The following DNAH11 variants were observed in gnomAD, a reference collection of about 807,000 sequenced individuals.
DNAH11 encodes dynein axonemal heavy chain 11.
In DNAH11, 442 loss-of-function variants were observed where a neutral mutation model predicts 526.0. The ratio of observed to expected loss-of-function variants is 0.84; its 90% CI spans 0.78 to 0.91. The LOEUF (loss-of-function observed/expected upper bound fraction) is 0.91. DNAH11 is among the 40% of genes least tolerant of loss of function. The pLI is 0.00. For synonymous variants in DNAH11, 2,461 were observed against 1,935.9 expected (o/e 1.27, Z -7.12); for missense variants, 6,989 against 5,448.7 (o/e 1.28, Z -8.90).
chr7:21,621,880 C>A (rs1583537255), intron 25 of DNAH11, among the ~76,000 whole-genome samples: 1 of 152,084 alleles, frequency 6.6e-6, no homozygotes, highest in African/African-American at 2.4e-5. Context: ...TGGGCGAAAA[C>A]TGGAAGCATT....
chr7:21,845,549 C>T (rs1190663704), intron 66 of DNAH11, among the ~76,000 whole-genome samples: 1 of 152,034 alleles, frequency 6.6e-6, no homozygotes, highest in East Asian at 1.9e-4. Flanking sequence ...TGGATCTATT[C>T]ATATTTCTGC....
chr7:21,727,732 T>C (rs2965381), intron 45 of DNAH11, among the ~76,000 whole-genome samples: 89,062 of 151,680 alleles, frequency 0.59, 26,356 homozygotes, highest in South Asian at 0.68. Flanking sequence ...AGGCAATTAG[T>C]GCCAAATAAC....
intron 25 of DNAH11, among the ~76,000 whole-genome samples, chr7:21,628,572 A>G (rs868590114): frequency 5.3e-5 from 8 of 152,090 alleles, no homozygotes; most frequent in African/African-American, 1.7e-4. Flanking sequence ...TCTTGGTTCT[A>G]TTGATGTGCT....
At chr7:21,787,778 C>CT (rs1305504265) in intron 60 of DNAH11, among the ~76,000 whole-genome samples, 195 bp downstream of exon 60, 1 of 152,098 alleles carries the variant, frequency 6.6e-6, no homozygotes, top group Non-Finnish European at 1.5e-5. Context: ...TAGAAACTAT[C>CT]TTTTTTTGGG....
At chr7:21,819,623 A>G (rs150003364) in intron 65 of DNAH11, among the ~76,000 whole-genome samples, 235 of 152,300 alleles carry the variant, frequency 1.5e-3, no homozygotes, top group African/African-American at 5.3e-3. Flanking sequence ...ATGTTCTCTG[A>G]GCTTCAATTT....
chr7:21,735,444 T>C (rs1785560795), intron 45 of DNAH11, among the ~76,000 whole-genome samples, 196 bp from the exon 46 acceptor site: 2 of 152,218 alleles, frequency 1.3e-5, no homozygotes, highest in African/African-American at 4.8e-5. Context: ...CAAGCTACAA[T>C]GTCTGAACTC....
chr7:21,729,757 C>A (rs1170722565), intron 45 of DNAH11, among the ~76,000 whole-genome samples: 1 of 152,072 alleles, frequency 6.6e-6, no homozygotes, highest in Non-Finnish European at 1.5e-5. Flanking sequence ...CTTTAATGTC[C>A]ATATTTCCAC....
intron 2 of DNAH11, among the ~76,000 whole-genome samples, chr7:21,549,583 G>A (rs1782943323): frequency 6.6e-6 from 1 of 152,150 alleles, no homozygotes; most frequent in African/African-American, 2.4e-5. Context: ...ATATAACCGA[G>A]ATGCTACTTT....
rs536409509 is a variant in DNAH11 at position 21,665,178 on chromosome 7, A to C, written c.5328+6147A>C. Among the ~76,000 whole-genome samples the C allele has an allele frequency of 2.7e-5, 4 of 149,210 alleles. No individual in the cohort carries two copies. In the South Asian group the frequency reaches 8.5e-4, roughly 32 times the overall value. Reference sequence around the variant, plus strand: ...CCGCTATTGACCTCTCCCCCTTTCTACCTTTCTCATGTTTGGCTATGTACT... The same window carrying C: ...CCGCTATTGACCTCTCCCCCTTTCTCCCTTTCTCATGTTTGGCTATGTACT... On this transcript the variant is annotated intron_variant, in intron 30 of 81. Transcript: ENST00000409508.
chr7:21,618,952 T>C (rs1785910036), intron 23 of DNAH11, 148 bp from the exon 24 acceptor site: 3 of 1,057,180 alleles, frequency 2.8e-6, no homozygotes, highest in Non-Finnish European at 4.1e-6. Flanking sequence ...AAGGAGTGTC[T>C]TAGATTCTCC....
intron 28 of DNAH11, 82 bp downstream of exon 28, chr7:21,639,147 C>T: frequency 6.9e-7 from 1 of 1,453,840 alleles, no homozygotes; most frequent in Non-Finnish European, 9.1e-7. Context: ...CAAATGCTAC[C>T]TGTCATGTCA....
intron 54 of DNAH11, among the ~76,000 whole-genome samples, chr7:21,751,215 T>G (rs1038631710): frequency 1.3e-5 from 2 of 152,026 alleles, no homozygotes; most frequent in Non-Finnish European, 2.9e-5. Flanking sequence ...TCCCAGCTAC[T>G]TGGGTGGCTG....
intron 63 of DNAH11, among the ~76,000 whole-genome samples, chr7:21,809,492 C>G (rs892581756): frequency 6.6e-6 from 1 of 152,088 alleles, no homozygotes; most frequent in Non-Finnish European, 1.5e-5. Context: ...TTTATAGTTT[C>G]AGGTCTTATA....
At chr7:21,841,793 A>C (rs912949969) in intron 65 of DNAH11, among the ~76,000 whole-genome samples, 3 of 152,216 alleles carry the variant, frequency 2.0e-5, no homozygotes, top group African/African-American at 7.2e-5. Flanking sequence ...TTAGACGATA[A>C]TCATACAAAT....
chr7:21,860,875 G>A (rs113258398), intron 68 of DNAH11, among the ~76,000 whole-genome samples: 102 of 152,276 alleles, frequency 6.7e-4, no homozygotes, highest in Admixed American at 2.0e-3. Flanking sequence ...ATGGCAGCAG[G>A]CAAGACAGAA....
chr7:21,549,222 C>G (rs1357357000), intron 2 of DNAH11, among the ~76,000 whole-genome samples: 1 of 152,142 alleles, frequency 6.6e-6, no homozygotes, highest in African/African-American at 2.4e-5. Flanking sequence ...GCATCCTTGT[C>G]CCGGTATAGA....
chr7:21,842,727 G>A lies in DNAH11; in HGVS notation c.10875G>A (p.Arg3625=), dbSNP rs1389654382. Residue 3625 remains arginine (R), a synonymous_variant, in exon 66 of 82, where the codon AGG becomes AGA. Transcript: ENST00000409508. ...TGGCAGAGGTTGTCAGTATTGAAAG[G>A]CCAGATTTGGAGAAACTTAAGGTAA... ...QLLAEVVSIE[R]PDLEKLKLVL... 6.2e-7 allele frequency: 1 copy of A among 1,610,588 alleles called. No individual in the cohort carries two copies. Among genetic ancestry groups the A allele is most frequent in the Non-Finnish European group, 8.5e-7 (1 of 1,178,514 alleles).
intron 74 of DNAH11, among the ~76,000 whole-genome samples, chr7:21,879,527 A>AT (rs1030763231): frequency 3.3e-5 from 5 of 152,114 alleles, no homozygotes; most frequent in African/African-American, 1.2e-4. Context: ...TCACCCAGTC[A>AT]TCCCAACAAT....
At chr7:21,742,398 C>T (rs2128491005) in intron 49 of DNAH11, among the ~76,000 whole-genome samples, 1 of 152,280 alleles carries the variant, frequency 6.6e-6, no homozygotes, top group East Asian at 1.9e-4. Context: ...GGGGAGCCAG[C>T]ATTTCACATT....
Sources: allele counts gnomAD v4.1 joint callset (sites outside exome capture counted in the v4.1 genomes callset), GRCh38; gene constraint gnomAD v4.1.1; transcripts MANE v1.5; gene names NCBI Gene and HGNC (gene_info 2026-07-23, HGNC 2026-07-21).